Variants in DRC11L observed in about 807,000 individuals in gnomAD.
DRC11L encodes dynein regulatory complex subunit like-11.
chr7:151,193,097 C>G, the DRC11L span: 1 of 397,640 alleles, frequency 2.5e-6, no homozygotes, highest in Non-Finnish European at 4.4e-6. Flanking sequence ...TGTGTCCTCC[C>G]TTTTCCCTTC....
At chr7:151,192,610 T>C in the DRC11L span, 1 of 398,160 alleles carries the variant, frequency 2.5e-6, no homozygotes, top group Non-Finnish European at 4.4e-6. Context: ...GGAAACTAGG[T>C]GTGAGGAGTA....
At chr7:151,201,598 T>C in the DRC11L span, among the ~76,000 whole-genome samples, 1 of 152,250 alleles carries the variant, frequency 6.6e-6, no homozygotes, top group Non-Finnish European at 1.5e-5. This position sits in a 1 kb window ranked among gnomAD's most constrained non-coding sequence, Gnocchi z 4.1. Flanking sequence ...CACTATTGTT[T>C]GTTAGTTGGT....
chr7:151,195,678 T>C, the DRC11L span: 13 of 399,264 alleles, frequency 3.3e-5, no homozygotes, highest in East Asian at 2.1e-4. Flanking sequence ...ACAGCCGAGG[T>C]GTGGCGGGGT....
the DRC11L span, chr7:151,197,332 G>A: frequency 1.0e-5 from 4 of 398,400 alleles, no homozygotes; most frequent in Non-Finnish European, 1.8e-5. Flanking sequence ...TCTCACCTGT[G>A]ACCAATGACC....
At chr7:151,190,928 G>A in the DRC11L span, 3 of 399,390 alleles carry the variant, frequency 7.5e-6, no homozygotes, top group African/African-American at 4.1e-5. Context: ...TTACCCTTGG[G>A]CCACTGCCCT....
chr7:151,203,464 G>A, the DRC11L span: 6 of 398,968 alleles, frequency 1.5e-5, no homozygotes, highest in East Asian at 3.6e-5. Context: ...CCCGCACAGT[G>A]GTGGACTGCT....
chr7:151,199,040 TG>T, the DRC11L span: 2 of 398,168 alleles, frequency 5.0e-6, no homozygotes, highest in Non-Finnish European at 8.9e-6. The surrounding 1 kb of genome is among the most constrained non-coding windows in gnomAD (Gnocchi z 5.2). Flanking sequence ...GGCTCAGGAG[TG>T]GGAGGAACCA....
the DRC11L span, among the ~76,000 whole-genome samples, chr7:151,196,273 T>C: frequency 1.3e-5 from 2 of 152,088 alleles, no homozygotes; most frequent in African/African-American, 4.8e-5. Context: ...GCTAGGACCA[T>C]GCATGGAGGC....
the DRC11L span, among the ~76,000 whole-genome samples, chr7:151,198,462 G>A: frequency 6.6e-6 from 1 of 152,082 alleles, no homozygotes; most frequent in South Asian, 2.1e-4. Flanking sequence ...AAAGGACCAG[G>A]GTGACGGAGG....
chr7:151,201,611 C>T, the DRC11L span, among the ~76,000 whole-genome samples: 4 of 152,102 alleles, frequency 2.6e-5, no homozygotes, highest in Non-Finnish European at 5.9e-5. This position sits in a 1 kb window ranked among gnomAD's most constrained non-coding sequence, Gnocchi z 4.1. Flanking sequence ...TAGTTGGTTG[C>T]CTGCTTTTGT....
chr7:151,204,387 C>A, the DRC11L span: 1 of 392,992 alleles, frequency 2.5e-6, no homozygotes, highest in Non-Finnish European at 4.5e-6. Flanking sequence ...ATCCCTACCC[C>A]ACCCGACCCC....
the DRC11L span, chr7:151,196,348 G>C: frequency 0.021 from 8,376 of 398,570 alleles, 601 homozygotes; most frequent in African/African-American, 0.16. Flanking sequence ...GAGAGGCAGA[G>C]AAATGGGTGG....
At chr7:151,197,456 T>C in the DRC11L span, 4 of 397,614 alleles carry the variant, frequency 1.0e-5, no homozygotes, top group Admixed American at 1.8e-4. Flanking sequence ...AACCAACGAT[T>C]CCCTAGGCCT....
chr7:151,203,037 C>G, the DRC11L span: 19,596 of 399,638 alleles, frequency 0.049, 1,818 homozygotes, highest in African/African-American at 0.26. Context: ...GGCCTTGCCT[C>G]GCCCGCTCTG....
At chr7:151,197,438 C>T in the DRC11L span, 1 of 398,312 alleles carries the variant, frequency 2.5e-6, no homozygotes, top group Admixed American at 4.4e-5. Context: ...GGGCCTGATA[C>T]TGGGGTGAAC....
chr7:151,198,819 C>T, the DRC11L span: 38 of 399,088 alleles, frequency 9.5e-5, 1 homozygote, highest in African/African-American at 7.2e-4. Flanking sequence ...AAACCACTGT[C>T]GGATTTGCTC....
the DRC11L span, among the ~76,000 whole-genome samples, chr7:151,205,112 G>C: frequency 5.8e-4 from 89 of 152,266 alleles, no homozygotes; most frequent in Middle Eastern, 3.4e-3. Context: ...CCCAGGCTTG[G>C]GGCTCTGGTA....
the DRC11L span, among the ~76,000 whole-genome samples, chr7:151,199,812 C>T: frequency 5.3e-5 from 8 of 152,278 alleles, no homozygotes; most frequent in Admixed American, 2.6e-4. This position sits in a 1 kb window ranked among gnomAD's most constrained non-coding sequence, Gnocchi z 5.2. Context: ...GCCACCCCTC[C>T]AGGCTCGGCC....
chr7:151,203,167 GACCAGCCATCAA>G, the DRC11L span: 3 of 398,788 alleles, frequency 7.5e-6, no homozygotes, highest in Non-Finnish European at 1.3e-5. Flanking sequence ...GCCGCTGGGA[GACCAGCCATCAA>G]AGGATGCACC....
Sources: gnomAD v4.1 joint callset for allele counts (sites outside exome capture counted in the v4.1 genomes callset) on GRCh38, gnomAD v4.1.1 for gene constraint, Gnocchi (gnomAD v3.1) non-coding constraint, MANE v1.5 for transcripts, NCBI Gene and HGNC (gene_info 2026-07-23, HGNC 2026-07-21) for gene names.